ANKS1B: variants seen among roughly 807,000 people sequenced by gnomAD.
The protein encoded by ANKS1B is ankyrin repeat and sterile alpha motif domain-containing protein 1B.
Under a neutral mutation model 148.3 loss-of-function variants are expected in ANKS1B, and 36 were observed. That is an observed-to-expected ratio of 0.24 (90% confidence interval 0.19 to 0.32). The LOEUF (loss-of-function observed/expected upper bound fraction) is 0.32, where lower values mean the gene tolerates loss of function less well. Among genes scored for constraint, ANKS1B ranks in the 10% least tolerant of loss-of-function variants. The pLI is 1.00. For synonymous variants in ANKS1B, 542 were observed against 560.8 expected, an observed-to-expected ratio of 0.97 and a Z score of 0.47; for missense variants, 1,157 against 1,542.6, an observed-to-expected ratio of 0.75 and a Z score of 4.19.
In ANKS1B at chr12:99,608,380, C is replaced by T. The variant is rs1426204140; in HGVS notation, c.1272+46687G>A. Among the ~76,000 whole-genome samples the T allele has an allele frequency of 2.0e-5, 3 of 152,208 alleles. No homozygotes were observed. The East Asian group carries it at 5.8e-4, about 29-fold the overall frequency. ...GTCTGACCCAGTCAAACACCTGAGGCTTCTCTTATGTGAGGGCACAAGAAA... is the reference window on the plus strand; with the variant it reads ...GTCTGACCCAGTCAAACACCTGAGGTTTCTCTTATGTGAGGGCACAAGAAA... On this transcript the variant is annotated intron_variant, in intron 9 of 26. Transcript: ENST00000683438.
chr12:99,537,630 C>T (rs776114667), intron 9 of ANKS1B, among the ~76,000 whole-genome samples: 7 of 152,088 alleles, frequency 4.6e-5, no homozygotes, highest in Admixed American at 6.5e-5. Context: ...TAGAGTTGTT[C>T]GCACACTCTA....
chr12:98,786,839 C>T (rs542539280), intron 22 of ANKS1B, among the ~76,000 whole-genome samples: 2 of 152,298 alleles, frequency 1.3e-5, no homozygotes, highest in South Asian at 4.1e-4. Flanking sequence ...GCCACCAACC[C>T]TTCATTCTTA....
chr12:99,454,402 T>G (rs1398083), intron 10 of ANKS1B, among the ~76,000 whole-genome samples: 29,498 of 152,186 alleles, frequency 0.19, 3,036 homozygotes, highest in South Asian at 0.23. Flanking sequence ...AAGAGTAGAA[T>G]GATTGACTAG....
At chr12:99,382,755 T>C (rs968107093) in intron 12 of ANKS1B, among the ~76,000 whole-genome samples, 11 of 143,488 alleles carry the variant, frequency 7.7e-5, no homozygotes, top group African/African-American at 2.8e-4. Flanking sequence ...AAGCAAGCCA[T>C]CCCTTTAAGT....
intron 22 of ANKS1B, among the ~76,000 whole-genome samples, chr12:98,784,267 C>T (rs2098767307): frequency 6.6e-6 from 1 of 151,982 alleles, no homozygotes; most frequent in Admixed American, 6.6e-5. Flanking sequence ...AAGGAGTGAA[C>T]AAGAAAAGAG....
intron 19 of ANKS1B, among the ~76,000 whole-genome samples, chr12:98,816,374 C>T (rs990624696): frequency 6.6e-6 from 1 of 152,218 alleles, no homozygotes; most frequent in Admixed American, 6.5e-5. Flanking sequence ...TGGCTCACTG[C>T]AACCTCCACC....
At chr12:98,920,858 G>A (rs1180372398) in intron 17 of ANKS1B, among the ~76,000 whole-genome samples, 1 of 152,138 alleles carries the variant, frequency 6.6e-6, no homozygotes, top group African/African-American at 2.4e-5. Flanking sequence ...AAAATTTGCT[G>A]TTTTACTAAG....
At position 98,829,241 on chromosome 12, in the gene ANKS1B, C is replaced by A; in HGVS notation, c.2999G>T (p.Arg1000Met). ...VPHIIMQGDA[R>M]RRRNENYFDD... The stretch of plus-strand genomic sequence containing the variant: ...AAAGTAGTTTTCATTTCTTCTCCTC[C>A]TTGCATCGCCCTGCATGATAATGTG... Residue 1000 changes from arginine to methionine, a missense_variant, in exon 19 of 27, where the codon AGG (arginine) becomes ATG (methionine). By Grantham distance (91) the Arg-to-Met change is moderately conservative (BLOSUM62 -1). This residue lies in a region of ANKS1B where 258 missense variants were observed against 497.0 expected (regional missense o/e 0.52). Transcript: ENST00000683438. This position sits in a 1 kb window ranked among gnomAD's most constrained non-coding sequence, Gnocchi z 5.2. The A allele has an allele frequency of 6.2e-7, 1 of 1,614,016 alleles. No homozygotes were observed. Among genetic ancestry groups the A allele is most frequent in the Non-Finnish European group, 8.5e-7 (1 of 1,179,878 alleles).
chr12:99,149,405 G>A (rs1032966885), intron 15 of ANKS1B, among the ~76,000 whole-genome samples: 1 of 152,104 alleles, frequency 6.6e-6, no homozygotes, highest in Non-Finnish European at 1.5e-5. Flanking sequence ...TTAACCTTCA[G>A]CAAGCCCTTT....
intron 12 of ANKS1B, among the ~76,000 whole-genome samples, chr12:99,372,599 A>G (rs1477669521): frequency 6.6e-6 from 1 of 152,112 alleles, no homozygotes; most frequent in Non-Finnish European, 1.5e-5. Context: ...AGACTGTTAA[A>G]TAGGGGTTTG....
intron 14 of ANKS1B, among the ~76,000 whole-genome samples, chr12:99,176,475 T>C (rs572768007): frequency 2.0e-5 from 3 of 152,252 alleles, no homozygotes; most frequent in African/African-American, 7.2e-5. Context: ...TTCAGAACCA[T>C]TTCAGCTGCT....
At chr12:99,636,671 CA>C (rs1293333127) in intron 9 of ANKS1B, among the ~76,000 whole-genome samples, 1 of 152,134 alleles carries the variant, frequency 6.6e-6, no homozygotes, top group African/African-American at 2.4e-5. Context: ...AGAACTGAAA[CA>C]AGAAGGCAGA....
intron 8 of ANKS1B, among the ~76,000 whole-genome samples, chr12:99,674,048 A>G (rs55655943): frequency 0.031 from 4,729 of 151,872 alleles, 272 homozygotes; most frequent in African/African-American, 0.11. Flanking sequence ...ACAACTAACA[A>G]TAACCTTAAA....
intron 17 of ANKS1B, among the ~76,000 whole-genome samples, chr12:98,934,880 G>A (rs1020905932): frequency 1.3e-5 from 2 of 151,144 alleles, no homozygotes; most frequent in South Asian, 2.1e-4. Context: ...TTTTTAAATG[G>A]AGTCTTTAGA....
intron 11 of ANKS1B, among the ~76,000 whole-genome samples, chr12:99,422,823 T>C (rs2095132368): frequency 1.3e-5 from 2 of 151,942 alleles, no homozygotes; most frequent in Non-Finnish European, 1.5e-5. Context: ...AAGAGATATA[T>C]TAAAGAGATA....
intron 9 of ANKS1B, among the ~76,000 whole-genome samples, chr12:99,571,281 T>A (rs1159282212): frequency 6.6e-6 from 1 of 152,118 alleles, no homozygotes; most frequent in Non-Finnish European, 1.5e-5. Flanking sequence ...ACTCAACAAC[T>A]GTGCCACCTA....
At chr12:99,384,845 T>C (rs2093792355) in intron 12 of ANKS1B, among the ~76,000 whole-genome samples, 1 of 152,200 alleles carries the variant, frequency 6.6e-6, no homozygotes, top group Non-Finnish European at 1.5e-5. Context: ...CCACAAAGTT[T>C]TTGTGAGAGG....
intron 16 of ANKS1B, among the ~76,000 whole-genome samples, chr12:99,075,890 A>G (rs2047713504): frequency 6.7e-6 from 1 of 148,646 alleles, no homozygotes; most frequent in South Asian, 2.1e-4. Flanking sequence ...TATATATCAT[A>G]TTGTATATAA....
chr12:99,112,947 C>A (rs565559755), intron 15 of ANKS1B, among the ~76,000 whole-genome samples: 1 of 152,160 alleles, frequency 6.6e-6, no homozygotes, highest in Non-Finnish European at 1.5e-5. Context: ...AGACACAATC[C>A]TCAGCACCAA....
Sources: gnomAD v4.1 joint callset for allele counts (sites outside exome capture counted in the v4.1 genomes callset) on GRCh38, gnomAD v4.1.1 for gene constraint, gnomAD v4.1.1 regional missense constraint, Gnocchi (gnomAD v3.1) non-coding constraint, MANE v1.5 for transcripts, NCBI Gene and HGNC (gene_info 2026-07-23, HGNC 2026-07-21) for gene names.